SMARCA2: variants seen among roughly 807,000 people sequenced by gnomAD.
The protein encoded by SMARCA2 is SWI/SNF-related matrix-associated actin-dependent regulator of chromatin subfamily A member 2.
Under a neutral mutation model 199.8 loss-of-function variants are expected in SMARCA2, and 61 were observed. The ratio of observed to expected loss-of-function variants is 0.31; its 90% CI spans 0.25 to 0.38. SMARCA2 has a LOEUF of 0.38. SMARCA2 is among the 10% of genes least tolerant of loss of function. The probability of loss-of-function intolerance (pLI) is 1.00; values close to 1 mark genes in which losing one functional copy is unlikely to be tolerated. For synonymous variants in SMARCA2, 935 were observed against 732.0 expected (o/e 1.28, Z -4.48); for missense variants, 1,344 against 2,012.2 (o/e 0.67, Z 6.35).
At chr9:2,129,517 T>A (rs986233347) in intron 27 of SMARCA2, among the ~76,000 whole-genome samples, 3 of 152,166 alleles carry the variant, frequency 2.0e-5, no homozygotes, top group African/African-American at 7.2e-5. Context: ...CGTCCATCAG[T>A]CCTCCAGCTC....
chr9:2,183,235 A>G (rs1211671828), intron 31 of SMARCA2, among the ~76,000 whole-genome samples: 2 of 152,222 alleles, frequency 1.3e-5, no homozygotes, highest in Non-Finnish European at 2.9e-5. Flanking sequence ...CTCTTGGATC[A>G]GGAGCTGAAA....
rs1437815660 is a variant in SMARCA2 at position 2,073,250 on chromosome 9, C to A, written c.1785C>A (p.Val595=). 6 of 1,614,038 alleles carry A rather than the reference C, an allele frequency of 3.7e-6. No individual in the cohort carries two copies. Among genetic ancestry groups the A allele is most frequent in the African/African-American group, 1.3e-5 (1 of 74,906 alleles). Residue 595 remains valine (V), a synonymous_variant, in exon 11 of 34, where the codon GTC becomes GTA. Transcript: ENST00000349721. ...DESSQMSDLP[V]KVTHTETGKV... is the part of the protein sequence containing the mutation. ...GCAGCCAGATGAGTGACCTCCCTGTCAAAGTGACTCACACAGAAACCGGCA... is the reference window on the plus strand; with the variant it reads ...GCAGCCAGATGAGTGACCTCCCTGTAAAAGTGACTCACACAGAAACCGGCA...
At chr9:2,025,561 C>T (rs905776342) in intron 1 of SMARCA2, among the ~76,000 whole-genome samples, 11 of 152,152 alleles carry the variant, frequency 7.2e-5, no homozygotes, top group East Asian at 3.9e-4. Context: ...GCTGTCGTCA[C>T]CACCCTATCT....
rs780302127 is a variant in SMARCA2, at chr9:2,181,599, A to T, written c.4282A>T (p.Ile1428Phe). Reference sequence around the variant, plus strand: ...AGGGCGACAGCTCAGTGAAGTCTTCATTCAGTTACCTTCAAGGAAAGAATT... The same window carrying T: ...AGGGCGACAGCTCAGTGAAGTCTTCTTTCAGTTACCTTCAAGGAAAGAATT... ...SSGRQLSEVF[I>F]QLPSRKELPE... The change falls in exon 30 of 34, where the codon ATT becomes TTT. Residue 1428 changes from isoleucine to phenylalanine, a missense_variant. Physicochemically the swap from Ile to Phe is conservative, Grantham distance 21. This residue lies in a region of SMARCA2 where 151 missense variants were observed against 154.0 expected (regional missense o/e 0.98). Coordinates refer to ENST00000349721, the MANE Select transcript of SMARCA2 (RefSeq NM_003070.5). 6.2e-7 allele frequency: 1 copy of T among 1,602,834 alleles called. No individual in the cohort carries two copies. The highest frequency in any genetic ancestry group is 1.1e-5 in the South Asian group (1 of 90,866).
intron 19 of SMARCA2, among the ~76,000 whole-genome samples, chr9:2,095,657 T>C (rs1244245817): frequency 1.3e-5 from 2 of 152,230 alleles, no homozygotes; most frequent in Non-Finnish European, 2.9e-5. Context: ...TGTGCTTCCA[T>C]GTGGCCTGAC....
intron 19 of SMARCA2, among the ~76,000 whole-genome samples, chr9:2,089,172 A>G (rs950864620): frequency 4.6e-5 from 7 of 152,182 alleles, no homozygotes; most frequent in African/African-American, 7.2e-5. Flanking sequence ...TCCTGTGAAC[A>G]TTTTAAGCCA....
intron 19 of SMARCA2, among the ~76,000 whole-genome samples, chr9:2,096,426 T>C (rs1358267841): frequency 6.6e-6 from 1 of 152,224 alleles, no homozygotes; most frequent in Non-Finnish European, 1.5e-5. Flanking sequence ...AACATGACCC[T>C]AGCATCAATT....
intron 21 of SMARCA2, among the ~76,000 whole-genome samples, chr9:2,098,811 G>A (rs762391113): frequency 5.9e-5 from 9 of 152,066 alleles, no homozygotes; most frequent in Non-Finnish European, 8.8e-5. Flanking sequence ...GCTGGGTGTC[G>A]TGGCAGGCAC....
At chr9:2,068,491 A>G (rs763278868) in intron 9 of SMARCA2, among the ~76,000 whole-genome samples, 11 of 152,204 alleles carry the variant, frequency 7.2e-5, no homozygotes, top group Non-Finnish European at 1.5e-4. Flanking sequence ...TTTCTTCACT[A>G]TGACTAAAAG....
intron 33 of SMARCA2, 94 bp from the exon 34 acceptor site, chr9:2,192,610 T>C: frequency 1.1e-6 from 1 of 894,698 alleles, no homozygotes; most frequent in Non-Finnish European, 1.9e-6. Flanking sequence ...CAAAATGTCA[T>C]TTTTTCCTAC....
rs142266377 is a variant in SMARCA2, at chr9:2,095,564, C to T, written c.2884-1093C>T. On this transcript the variant is annotated intron_variant, in intron 19 of 33. Transcript: ENST00000349721. ...AAGCATGTTTTTGGAGGGTTACTTA[C>T]ACTTCTCACCTTTTCTGTAAAAGAG... 1.8e-4 allele frequency among the ~76,000 whole-genome samples: 28 copies of T among 152,322 alleles called. No homozygotes were observed. In the East Asian group the frequency reaches 5.2e-3, roughly 28 times the overall value.
intron 21 of SMARCA2, among the ~76,000 whole-genome samples, chr9:2,098,790 T>C (rs777928584): frequency 2.0e-5 from 3 of 151,902 alleles, no homozygotes; most frequent in Non-Finnish European, 2.9e-5. Flanking sequence ...ATTACAAAAC[T>C]ACAAAAATTA....
intron 2 of SMARCA2, among the ~76,000 whole-genome samples, chr9:2,030,418 T>C (rs531388017): frequency 6.6e-6 from 1 of 152,004 alleles, no homozygotes; most frequent in African/African-American, 2.4e-5. Context: ...GGAGAACTGA[T>C]GATGTGAGTT....
At chr9:2,109,315 T>G (rs1195220500) in intron 23 of SMARCA2, among the ~76,000 whole-genome samples, 11 of 152,206 alleles carry the variant, frequency 7.2e-5, no homozygotes, top group Admixed American at 7.2e-4. Flanking sequence ...TGAAATATGT[T>G]CAGATGGAAT....
chr9:2,104,003 G>A lies in SMARCA2; in HGVS notation c.3126G>A (p.Gly1042=), dbSNP rs763845550. The A allele has an allele frequency of 6.2e-7, 1 of 1,613,418 alleles. No homozygotes were observed. The highest frequency in any genetic ancestry group is 1.1e-5 in the South Asian group (1 of 90,966). ...HLGYSNGVIN[G]AELYRASGKF... ...TGTTTTTGCATTTTTTTGGGTTCAGGGCTGAACTGTATCGGGCCTCAGGGA... is the reference window on the plus strand; with the variant it reads ...TGTTTTTGCATTTTTTTGGGTTCAGAGCTGAACTGTATCGGGCCTCAGGGA... Residue 1042 remains glycine, a splice_region_variant and synonymous_variant, in exon 23 of 34, where the codon GGG becomes GGA. Transcript: ENST00000349721. This position sits in a 1 kb window ranked among gnomAD's most constrained non-coding sequence, Gnocchi z 4.0.
intron 4 of SMARCA2, 97 bp from the exon 5 acceptor site, chr9:2,047,132 G>T (rs1586644577): frequency 1.1e-6 from 1 of 891,932 alleles, no homozygotes; most frequent in Non-Finnish European, 1.3e-6. Flanking sequence ...ACACTTAATG[G>T]TCCCCAGCAC....
chr9:2,146,132 A>G (rs568366552), intron 27 of SMARCA2, among the ~76,000 whole-genome samples: 1 of 152,364 alleles, frequency 6.6e-6, no homozygotes, highest in South Asian at 2.1e-4. Flanking sequence ...TCAAGGCACC[A>G]GCAGATTCCA....
chr9:2,192,803 G>A lies in SMARCA2; in HGVS notation c.*64G>A, dbSNP rs1248470384. 2.4e-6 allele frequency: 3 copies of A among 1,229,202 alleles called. No individual in the cohort carries two copies. The highest frequency in any genetic ancestry group is 2.3e-5 in the East Asian group (1 of 43,108). 76.1% of individuals were successfully genotyped at this position (1,229,202 alleles called of 1,614,324 possible). On this transcript the variant is annotated 3_prime_UTR_variant, in exon 34 of 34. Transcript: ENST00000349721. ...TCCTCCCCTGTCTCATTTCTACCCA[G>A]TGAGTTCATTTGTCATATAGGCACT...
At chr9:2,085,788 T>C (rs1177165210) in intron 17 of SMARCA2, 1 of 152,242 alleles carries the variant, frequency 6.6e-6, no homozygotes, top group African/African-American at 2.4e-5. Context: ...CTTCTCTCTC[T>C]AGGAGCTTTG....
Sources: gnomAD v4.1 joint callset for allele counts (sites outside exome capture counted in the v4.1 genomes callset) on GRCh38, gnomAD v4.1.1 for gene constraint, gnomAD v4.1.1 regional missense constraint, Gnocchi (gnomAD v3.1) non-coding constraint, MANE v1.5 for transcripts, NCBI Gene and HGNC (gene_info 2026-07-23, HGNC 2026-07-21) for gene names.